PSD3: variants seen among roughly 807,000 people sequenced by gnomAD.
The protein encoded by PSD3 is PH and SEC7 domain-containing protein 3.
In PSD3, 49 loss-of-function variants were observed where a neutral mutation model predicts 105.5. The observed-to-expected ratio is 0.46, with a 90% CI of 0.37 to 0.59. The LOEUF (loss-of-function observed/expected upper bound fraction) is 0.59, where lower values mean the gene tolerates loss of function less well. PSD3 is among the 20% of genes least tolerant of loss of function. PSD3 has a pLI of 0.00. For synonymous variants in PSD3, 557 were observed against 457.8 expected (o/e 1.22, Z -2.77); for missense variants, 1,561 against 1,263.8 (o/e 1.24, Z -3.57).
At chr8:18,549,397 C>T (rs529402374) in intron 15 of PSD3, among the ~76,000 whole-genome samples, 22 of 152,090 alleles carry the variant, frequency 1.4e-4, no homozygotes, top group Admixed American at 4.6e-4. Flanking sequence ...TTAATTGAGA[C>T]GGGTTTCACC....
intron 4 of PSD3, among the ~76,000 whole-genome samples, chr8:18,861,647 C>T (rs1419811413): frequency 6.6e-6 from 1 of 152,174 alleles, no homozygotes; most frequent in Non-Finnish European, 1.5e-5. Context: ...CCCCATGTGT[C>T]CTAGAGTCAA....
At chr8:18,824,648 A>G (rs554928646) in intron 4 of PSD3, among the ~76,000 whole-genome samples, 1 of 152,202 alleles carries the variant, frequency 6.6e-6, no homozygotes, top group Non-Finnish European at 1.5e-5. Context: ...GCCATCTATC[A>G]CTGGCTAAGG....
chr8:18,680,389 T>C (rs1800315008), intron 9 of PSD3, among the ~76,000 whole-genome samples: 1 of 152,174 alleles, frequency 6.6e-6, no homozygotes, highest in Non-Finnish European at 1.5e-5. Context: ...TCTAAAATGT[T>C]ACTTCTGTCA....
intron 9 of PSD3, among the ~76,000 whole-genome samples, chr8:18,681,000 T>A (rs897000828): frequency 6.6e-6 from 1 of 151,948 alleles, no homozygotes; most frequent in East Asian, 1.9e-4. Flanking sequence ...AACCATTATG[T>A]TTTAATGGCC....
chr8:18,600,836 G>A lies in PSD3; in HGVS notation c.2411-402C>T, dbSNP rs77380949. On this transcript the variant is annotated intron_variant, in intron 11 of 15. Coordinates refer to ENST00000327040, the MANE Select transcript of PSD3 (RefSeq NM_015310.4). ...GAAAGCTTAAAGAGCTCATGTACCA[G>A]AGCCTTTATAGCTTCTTCAGAGACT... 4.1e-3 allele frequency among the ~76,000 whole-genome samples: 625 copies of A among 152,284 alleles called. 3 individuals are homozygous for A. The highest frequency in any genetic ancestry group is 0.014 in the African/African-American group (594 of 41,564).
At chr8:18,953,878 GA>G (rs994283764) in intron 1 of PSD3, among the ~76,000 whole-genome samples, 5 of 151,870 alleles carry the variant, frequency 3.3e-5, no homozygotes, top group African/African-American at 7.3e-5. Context: ...AAAACAAACT[GA>G]AAAAAATATG....
At chr8:18,807,912 T>A in intron 4 of PSD3, among the ~76,000 whole-genome samples, 1 of 152,208 alleles carries the variant, frequency 6.6e-6, no homozygotes, top group East Asian at 1.9e-4. Context: ...GAGACCAGCC[T>A]GGACAACACG....
chr8:18,748,707 T>C (rs79216619), intron 9 of PSD3, among the ~76,000 whole-genome samples: 6,272 of 147,714 alleles, frequency 0.042, 279 homozygotes, highest in East Asian at 0.19. Flanking sequence ...GGAATTGTTA[T>C]AGAAAATCAG....
At chr8:18,741,806 A>T (rs1340909673) in intron 9 of PSD3, among the ~76,000 whole-genome samples, 2 of 151,158 alleles carry the variant, frequency 1.3e-5, no homozygotes, top group East Asian at 3.9e-4. Flanking sequence ...AAAAAAAAAA[A>T]AAAAAAAAAA....
At chr8:18,904,670 T>G (rs967162012) in intron 2 of PSD3, among the ~76,000 whole-genome samples, 8 of 152,256 alleles carry the variant, frequency 5.3e-5, no homozygotes, top group African/African-American at 1.9e-4. Flanking sequence ...GTAATTATGT[T>G]ACAGCTGTAA....
intron 1 of PSD3, among the ~76,000 whole-genome samples, chr8:19,045,375 T>C (rs1828280542): frequency 6.6e-6 from 1 of 152,176 alleles, no homozygotes; most frequent in Non-Finnish European, 1.5e-5. Flanking sequence ...GGGACCTGTA[T>C]ATCCCTCTCA....
intron 9 of PSD3, among the ~76,000 whole-genome samples, chr8:18,764,639 A>G (rs1434560263): frequency 1.3e-5 from 2 of 152,176 alleles, no homozygotes; most frequent in Non-Finnish European, 1.5e-5. Context: ...CAACATTTCC[A>G]TATCATATCA....
intron 12 of PSD3, among the ~76,000 whole-genome samples, chr8:18,593,662 G>C (rs1803782840): frequency 1.3e-5 from 2 of 152,028 alleles, no homozygotes; most frequent in South Asian, 4.1e-4. Context: ...CTGCTATAAA[G>C]ACACATGCTC....
At position 18,550,433 on chromosome 8, in the gene PSD3, T is replaced by G. The variant is rs377395040; in HGVS notation, c.2928+5776A>C. 5.9e-5 allele frequency among the ~76,000 whole-genome samples: 9 copies of G among 152,358 alleles called. No homozygotes were observed. In the East Asian group the frequency reaches 1.2e-3, roughly 20 times the overall value. On this transcript the variant is annotated intron_variant, in intron 15 of 15. Transcript: ENST00000327040. ...GGGTATAAACTGTTGATCTTACATC[T>G]CTAGCTTTTGACTCATAATTGTAAT...
intron 4 of PSD3, among the ~76,000 whole-genome samples, chr8:18,841,745 G>A (rs543392512): frequency 6.6e-6 from 1 of 152,262 alleles, no homozygotes; most frequent in Admixed American, 6.5e-5. Context: ...CCATCTTCAG[G>A]AAGTCTCTGA....
At chr8:18,796,058 TATTTA>T (rs904101606) in intron 8 of PSD3, among the ~76,000 whole-genome samples, 5 of 152,116 alleles carry the variant, frequency 3.3e-5, no homozygotes, top group South Asian at 2.1e-4. Flanking sequence ...AATTATAAAA[TATTTA>T]ATTTAAGGGA....
Position 19,039,589 on chromosome 8 carries a change from G to C in PSD3, c.324+44617C>G, listed in dbSNP as rs573091707. On this transcript the variant is annotated intron_variant, in intron 1 of 1. Transcript: ENST00000521475. ...ATCAAACCCTTTCTCTAGGCTAAGG[G>C]AGTCTACTGGACAATATCATGTCCC... Among the ~76,000 whole-genome samples, 6 of 152,244 alleles carry C rather than the reference G, an allele frequency of 3.9e-5. No homozygotes were observed. In the East Asian group the frequency reaches 1.2e-3, roughly 29 times the overall value.
At chr8:18,680,897 T>C (rs2130950071) in intron 9 of PSD3, among the ~76,000 whole-genome samples, 1 of 152,328 alleles carries the variant, frequency 6.6e-6, no homozygotes, top group South Asian at 2.1e-4. Context: ...GCAAAACTTC[T>C]AATCCTTTCC....
At chr8:18,708,976 C>G (rs532926075) in intron 9 of PSD3, among the ~76,000 whole-genome samples, 8 of 152,158 alleles carry the variant, frequency 5.3e-5, no homozygotes, top group Non-Finnish European at 8.8e-5. Flanking sequence ...ATGCAACCTG[C>G]GGATCAGGAG....
Sources: gnomAD v4.1 joint callset for allele counts (sites outside exome capture counted in the v4.1 genomes callset) on GRCh38, gnomAD v4.1.1 for gene constraint, MANE v1.5 for transcripts, NCBI Gene and HGNC (gene_info 2026-07-23, HGNC 2026-07-21) for gene names.